LY6L: variants seen among roughly 807,000 people sequenced by gnomAD.
LY6L encodes the protein lymphocyte antigen 6L.
A neutral mutation model predicts 8.3 loss-of-function variants in LY6L; 8 were observed. The observed-to-expected ratio is 0.97, with a 90% CI of 0.57 to 1.74. LY6L has a LOEUF of 1.74. Among genes scored for constraint, LY6L ranks in the 40% most tolerant of loss-of-function variants. The pLI is 0.00. For missense variants in LY6L, 156 were observed against 183.8 expected (o/e 0.85, Z 0.87); for synonymous variants, 79 against 77.9 (o/e 1.01, Z -0.07).
Position 143,083,313 on chromosome 8 carries a change from C to T in LY6L, c.*662C>T, listed in dbSNP as rs544549586. ...GCCCTGAATGCTGTCCAGGACCCTTCGAGGGGCAGAAGAACCTGGGTGCGG... is the reference window on the plus strand; with the variant it reads ...GCCCTGAATGCTGTCCAGGACCCTTTGAGGGGCAGAAGAACCTGGGTGCGG... On this transcript the variant is annotated 3_prime_UTR_variant, in exon 4 of 4. Coordinates refer to ENST00000562505, the MANE Select transcript of LY6L (RefSeq NM_001368160.2). Among the ~76,000 whole-genome samples the T allele has an allele frequency of 1.3e-5, 2 of 152,250 alleles. No homozygotes were observed. Among genetic ancestry groups the T allele is most frequent in the East Asian group, 1.9e-4 (1 of 5,184 alleles).
chr8:143,083,421 G>A lies in LY6L; in HGVS notation c.*770G>A, dbSNP rs1820470273. ...ACCCAGGAAGGATAACACTGTGGGT[G>A]CCCCCACCTGTGCATTGGGACCACG... On this transcript the variant is annotated 3_prime_UTR_variant, in exon 4 of 4. Transcript: ENST00000562505. Among the ~76,000 whole-genome samples the A allele has an allele frequency of 6.6e-6, 1 of 152,140 alleles. No individual in the cohort carries two copies. The highest frequency in any genetic ancestry group is 1.5e-5 in the Non-Finnish European group (1 of 68,014).
In LY6L at chr8:143,083,194, G is replaced by A. The variant is rs961634995; in HGVS notation, c.*543G>A. ...GGCAATGGGGAAGGATGGTGCCTCC[G>A]GTGTTGGGTGATGGGGAAGGACGGT... On this transcript the variant is annotated 3_prime_UTR_variant, in exon 4 of 4. Coordinates refer to ENST00000562505, the MANE Select transcript of LY6L (RefSeq NM_001368160.2). Among the ~76,000 whole-genome samples the A allele has an allele frequency of 1.4e-5, 2 of 147,642 alleles. No homozygotes were observed. The highest frequency in any genetic ancestry group is 2.1e-4 in the East Asian group (1 of 4,874).
intron 3 of LY6L, among the ~76,000 whole-genome samples, chr8:143,081,960 C>G (rs367739551): frequency 2.6e-5 from 4 of 152,194 alleles, no homozygotes; most frequent in Admixed American, 2.6e-4. Context: ...TTGACAGACA[C>G]GTCCGTCAGA....
intron 3 of LY6L, 77 bp from the exon 4 acceptor site, chr8:143,082,348 T>TC: frequency 1.8e-6 from 2 of 1,083,514 alleles, no homozygotes; most frequent in Non-Finnish European, 2.7e-6. Context: ...TTGGAAAGCA[T>TC]CCTTGCACTT....
At chr8:143,081,849 G>GT (rs1820436198) in intron 3 of LY6L, among the ~76,000 whole-genome samples, 1 of 151,580 alleles carries the variant, frequency 6.6e-6, no homozygotes, top group East Asian at 1.9e-4. Context: ...ACAACACACC[G>GT]TAACACTCTA....
At chr8:143,081,473 G>T (rs556755719) in intron 3 of LY6L, 146 bp downstream of exon 3, 4 of 554,700 alleles carry the variant, frequency 7.2e-6, no homozygotes, top group African/African-American at 1.9e-5. Context: ...TCTCTCCCGC[G>T]CTGGGCTCGG....
At chr8:143,080,976 A>C in intron 1 of LY6L, 60 bp from the exon 2 acceptor site, 2 of 1,261,246 alleles carry the variant, frequency 1.6e-6, no homozygotes, top group South Asian at 2.6e-5. Context: ...CGGGAGCAGG[A>C]AGCTGGGGAG....
rs1434971533 is a variant in LY6L, at chr8:143,081,111, T to G, written c.58T>G (p.Cys20Gly). Residue 20 changes from cysteine (C) to glycine (G), a missense_variant, in exon 2 of 4, where the codon TGC becomes GGC. Coordinates refer to ENST00000562505, the MANE Select transcript of LY6L (RefSeq NM_001368160.2). ...CCCGCTGGCTGTGGCGTCTGCTGGC[T>G]GCGCCACGACGCCAGGTAAGGCGCG... ...TLPLAVASAG[C>G]ATTPARNLSC... is the part of the protein sequence containing the mutation. 3.1e-5 allele frequency: 48 copies of G among 1,534,622 alleles called. No individual in the cohort carries two copies. Among genetic ancestry groups the G allele is most frequent in the Non-Finnish European group, 4.0e-5 (46 of 1,146,246 alleles).
Position 143,082,407 on chromosome 8 carries a change from C to T in LY6L, c.191-18C>T. 6.6e-7 allele frequency: 1 copy of T among 1,514,874 alleles called. No individual in the cohort carries two copies. The highest frequency in any genetic ancestry group is 2.5e-5 in the East Asian group (1 of 40,462). The allele number at this position is 1,514,874 out of a possible 1,614,324, so 93.8% of individuals were successfully genotyped here. On this transcript the variant is annotated intron_variant, in intron 3 of 3. Coordinates refer to ENST00000562505, the MANE Select transcript of LY6L (RefSeq NM_001368160.2). ...TTGCTGGGGCTCTGGGGCCACCTGC[C>T]TCTCCTCTTTTCTGCAGAATGGAGT...
At position 143,083,343 on chromosome 8, in the gene LY6L, A is replaced by T. The variant is rs1820468950; in HGVS notation, c.*692A>T. 6.6e-6 allele frequency among the ~76,000 whole-genome samples: 1 copy of T among 152,158 alleles called. No homozygotes were observed. The highest frequency in any genetic ancestry group is 6.5e-5 in the Admixed American group (1 of 15,286). On this transcript the variant is annotated 3_prime_UTR_variant, in exon 4 of 4. Transcript: ENST00000562505. ...GGCAGAAGAACCTGGGTGCGGCCAC[A>T]GCTGGGGCTCCCACTCTGCCTTCCC...
chr8:143,081,161 G>C, intron 2 of LY6L, 35 bp downstream of exon 2: 1 of 1,530,948 alleles, frequency 6.5e-7, no homozygotes, highest in Non-Finnish European at 8.7e-7. Context: ...GGGGGCGTCG[G>C]GGCTGGAGCT....
Position 143,082,783 on chromosome 8 carries a change from C to A in LY6L, c.*132C>A. ...CCTCTCTGAGGTGGTGGGGAGGGTG[C>A]CATTGCCTCCATCCCGGATCTAGCC... On this transcript the variant is annotated 3_prime_UTR_variant, in exon 4 of 4. Coordinates refer to ENST00000562505, the MANE Select transcript of LY6L (RefSeq NM_001368160.2). 4.0e-6 allele frequency: 3 copies of A among 748,974 alleles called. No homozygotes were observed. The highest frequency in any genetic ancestry group is 6.1e-6 in the Non-Finnish European group (3 of 491,268). The allele number at this position is 748,974 out of a possible 1,614,324, so 46.4% of individuals were successfully genotyped here.
chr8:143,082,335 C>T (rs1245038495), intron 3 of LY6L, 90 bp from the exon 4 acceptor site: 2 of 963,582 alleles, frequency 2.1e-6, no homozygotes, highest in East Asian at 2.7e-5. Context: ...CCCGGCTGCT[C>T]CTTTGGAAAG....
intron 1 of LY6L, 52 bp from the exon 2 acceptor site, chr8:143,080,984 G>T (rs1714459085): frequency 1.5e-6 from 2 of 1,329,802 alleles, no homozygotes. Context: ...GGAAGCTGGG[G>T]AGGGGGCTCT....
Position 143,082,747 on chromosome 8 carries a change from G to C in LY6L, c.*96G>C. The C allele has an allele frequency of 2.0e-6, 2 of 1,022,108 alleles. No individual in the cohort carries two copies. Among genetic ancestry groups the C allele is most frequent in the Non-Finnish European group, 2.7e-6 (2 of 733,792 alleles). The allele number at this position is 1,022,108 out of a possible 1,614,324, so 63.3% of individuals were successfully genotyped here. On this transcript the variant is annotated 3_prime_UTR_variant, in exon 4 of 4. Coordinates refer to ENST00000562505, the MANE Select transcript of LY6L (RefSeq NM_001368160.2). ...CCTCCGCCCCTTCCAGGACACTGGG[G>C]GGGGACCCTCCCTCTCTGAGGTGGT...
chr8:143,080,779 G>A lies in LY6L; in HGVS notation c.-19+120G>A, dbSNP rs191864317. ...GGACCAAAGGCAGAGGGCCCAGGGAGAGGGAATGCGGGGAAGGGAGGAGAG... is the reference window on the plus strand; with the variant it reads ...GGACCAAAGGCAGAGGGCCCAGGGAAAGGGAATGCGGGGAAGGGAGGAGAG... On this transcript the variant is annotated intron_variant, in intron 1 of 3. Coordinates refer to ENST00000562505, the MANE Select transcript of LY6L (RefSeq NM_001368160.2). 2.8e-4 allele frequency: 127 copies of A among 459,806 alleles called. 1 individual carries two copies. The East Asian group carries it at 4.2e-3, about 15-fold the overall frequency. The allele number at this position is 459,806 out of a possible 1,614,324, so 28.5% of individuals were successfully genotyped here. A position where few individuals can be genotyped will look rare whatever the true frequency, so the allele number is the denominator to read the frequency against.
intron 1 of LY6L, among the ~76,000 whole-genome samples, 154 bp from the exon 2 acceptor site, chr8:143,080,882 T>G (rs1820415708): frequency 2.1e-5 from 3 of 140,774 alleles, no homozygotes; most frequent in African/African-American, 8.0e-5. Context: ...AGGCTGGAGG[T>G]GGGGGACGTC....
chr8:143,080,892 C>G, intron 1 of LY6L, 144 bp from the exon 2 acceptor site: 1 of 612,384 alleles, frequency 1.6e-6, no homozygotes, highest in Non-Finnish European at 2.8e-6. Flanking sequence ...TGGGGGACGT[C>G]CTGGGTGAAG....
rs2130543629 is a variant in LY6L, at chr8:143,083,425, C to CA, written c.*774_*775insA. On this transcript the variant is annotated 3_prime_UTR_variant, in exon 4 of 4. Transcript: ENST00000562505. ...AGGAAGGATAACACTGTGGGTGCCCCCACCTGTGCATTGGGACCACGACCT... is the reference window on the plus strand; with the variant it reads ...AGGAAGGATAACACTGTGGGTGCCCCACACCTGTGCATTGGGACCACGACCT... Among the ~76,000 whole-genome samples the CA allele has an allele frequency of 6.6e-6, 1 of 152,248 alleles. No homozygotes were observed. Among genetic ancestry groups the CA allele is most frequent in the East Asian group, 1.9e-4 (1 of 5,180 alleles).
Sources: allele counts gnomAD v4.1 joint callset (sites outside exome capture counted in the v4.1 genomes callset), GRCh38; gene constraint gnomAD v4.1.1; transcripts MANE v1.5; gene names NCBI Gene and HGNC (gene_info 2026-07-23, HGNC 2026-07-21).